The following TTC39C variants were observed in gnomAD, a reference collection of about 807,000 sequenced individuals.
TTC39C encodes the protein tetratricopeptide repeat protein 39C.
In TTC39C, 33 loss-of-function variants were observed where a neutral mutation model predicts 76.3. The observed-to-expected ratio is 0.43, with a 90% CI of 0.33 to 0.58. The LOEUF is 0.58. Ranked by LOEUF, TTC39C falls within the 20% of genes least tolerant of loss-of-function variation. The probability of loss-of-function intolerance (pLI) is 0.04; values close to 1 mark genes in which losing one functional copy is unlikely to be tolerated. For missense variants in TTC39C, 595 were observed against 701.4 expected (o/e 0.85, Z 1.71); for synonymous variants, 254 against 260.6 (o/e 0.97, Z 0.24).
Position 24,014,937 on chromosome 18 carries a change from G to A in TTC39C, c.66G>A (p.Ala22=). ...RDDGDSDAAA[A]AAAPLQDAEL... ...ACGGAGACTCGGACGCGGCAGCGGC[G>A]GCGGCGGCGCCCCTGCAGGACGCGG... Residue 22 remains alanine, a synonymous_variant, in exon 1 of 14, where the codon GCG becomes GCA. Coordinates refer to ENST00000317571, the MANE Select transcript of TTC39C (RefSeq NM_001135993.2). 4 of 1,524,730 alleles carry A rather than the reference G, an allele frequency of 2.6e-6. No individual in the cohort carries two copies. The highest frequency in any genetic ancestry group is 3.5e-6 in the Non-Finnish European group (4 of 1,135,998). 94.5% of individuals were successfully genotyped at this position (1,524,730 alleles called of 1,614,324 possible).
At chr18:24,057,645 G>A (rs977229362) in intron 1 of TTC39C, among the ~76,000 whole-genome samples, 63 of 152,196 alleles carry the variant, frequency 4.1e-4, no homozygotes, top group African/African-American at 1.4e-3. Context: ...GAGTGAATAT[G>A]CTGTAATACT....
chr18:24,049,911 T>TAG (rs2083927690), intron 1 of TTC39C, among the ~76,000 whole-genome samples: 1 of 152,260 alleles, frequency 6.6e-6, no homozygotes, highest in African/African-American at 2.4e-5. Flanking sequence ...ATCCTCTTAC[T>TAG]AAATAGTCTG....
At chr18:23,993,844 GT>G (rs1280838528) in intron 1 of TTC39C, among the ~76,000 whole-genome samples, 1 of 152,172 alleles carries the variant, frequency 6.6e-6, no homozygotes, top group Non-Finnish European at 1.5e-5. Flanking sequence ...GACATTAGAT[GT>G]TTTGGTATTA....
chr18:23,994,739 T>C (rs562625568), intron 1 of TTC39C, among the ~76,000 whole-genome samples: 1 of 152,250 alleles, frequency 6.6e-6, no homozygotes, highest in African/African-American at 2.4e-5. Context: ...GATGAAATGC[T>C]AGCAGCAGCA....
At chr18:24,122,142 G>T (rs2029238) in intron 8 of TTC39C, among the ~76,000 whole-genome samples, 1 of 151,924 alleles carries the variant, frequency 6.6e-6, no homozygotes, top group South Asian at 2.1e-4. Flanking sequence ...ATCCTGGTAC[G>T]TGCACGCCTG....
intron 2 of TTC39C, among the ~76,000 whole-genome samples, chr18:24,065,264 T>C (rs1482818247): frequency 2.0e-5 from 3 of 152,180 alleles, no homozygotes; most frequent in Non-Finnish European, 4.4e-5. Context: ...CTGGTGGAAT[T>C]TGATAGGAAA....
chr18:24,133,460 A>G lies in TTC39C; in HGVS notation c.*886A>G, dbSNP rs1219529913. The G allele has an allele frequency of 1.3e-5, 2 of 152,234 alleles. No homozygotes were observed. Among genetic ancestry groups the G allele is most frequent in the East Asian group, 1.9e-4 (1 of 5,204 alleles). 9.4% of individuals were successfully genotyped at this position (152,234 alleles called of 1,614,324 possible). A position where few individuals can be genotyped will look rare whatever the true frequency, so the allele number is the denominator to read the frequency against. ...TCTATAGATTAGACAAACAGTATCT[A>G]CATTTTAGGAGTTTACCTTTCTTTG... On this transcript the variant is annotated 3_prime_UTR_variant, in exon 14 of 14. Coordinates refer to ENST00000317571, the MANE Select transcript of TTC39C (RefSeq NM_001135993.2).
At chr18:24,024,006 A>C (rs1455570045) in intron 1 of TTC39C, among the ~76,000 whole-genome samples, 4 of 5,784 alleles carry the variant, frequency 6.9e-4, no homozygotes, top group African/African-American at 1.1e-3. Flanking sequence ...ATATATATAT[A>C]TATATATATA....
Position 24,014,772 on chromosome 18 carries a change from C to T in TTC39C, c.-100C>T. On this transcript the variant is annotated 5_prime_UTR_variant, in exon 1 of 14. Coordinates refer to ENST00000317571, the MANE Select transcript of TTC39C (RefSeq NM_001135993.2). ...CTCCCCTCCCCTCCCCTCCCGGCTC[C>T]GCTTGGCTCCGGGCAGGTAGAGCCG... The T allele has an allele frequency of 1.7e-6, 2 of 1,167,862 alleles. No homozygotes were observed. Among genetic ancestry groups the T allele is most frequent in the Non-Finnish European group, 2.1e-6 (2 of 945,074 alleles). The allele number at this position is 1,167,862 out of a possible 1,614,324, so 72.3% of individuals were successfully genotyped here. A position where few individuals can be genotyped will look rare whatever the true frequency, so the allele number is the denominator to read the frequency against.
chr18:24,028,743 G>A (rs2083627382), intron 1 of TTC39C, among the ~76,000 whole-genome samples: 2 of 152,152 alleles, frequency 1.3e-5, no homozygotes, highest in African/African-American at 4.8e-5. Context: ...TATTTTTTGA[G>A]ATGGAGTCTT....
rs117091240 is a variant in TTC39C, at chr18:24,043,612, T to C, written c.168-20528T>C. Among the ~76,000 whole-genome samples, 27 of 152,330 alleles carry C rather than the reference T, an allele frequency of 1.8e-4. No individual in the cohort carries two copies. In the East Asian group the frequency reaches 5.0e-3, roughly 28 times the overall value. On this transcript the variant is annotated intron_variant, in intron 1 of 13. Coordinates refer to ENST00000317571, the MANE Select transcript of TTC39C (RefSeq NM_001135993.2). ...CCCTTCTCGTCTGCCGCCTGGGCTG[T>C]AGTTGCTCAACACGAGGCTGCAAGT...
chr18:24,072,961 G>A (rs2084259826), intron 4 of TTC39C, among the ~76,000 whole-genome samples: 1 of 152,224 alleles, frequency 6.6e-6, no homozygotes, highest in African/African-American at 2.4e-5. Flanking sequence ...TATGCAGCTT[G>A]TTGGTGATGA....
intron 6 of TTC39C, among the ~76,000 whole-genome samples, chr18:24,107,997 G>T: frequency 6.6e-6 from 1 of 152,152 alleles, no homozygotes; most frequent in African/African-American, 2.4e-5. Flanking sequence ...TTACTTACTA[G>T]TTGCTTAAAA....
At chr18:24,084,849 G>A (rs993274182) in intron 6 of TTC39C, among the ~76,000 whole-genome samples, 7 of 152,042 alleles carry the variant, frequency 4.6e-5, no homozygotes, top group African/African-American at 1.7e-4. Flanking sequence ...TTTATTTTTA[G>A]AGATGGGGTC....
intron 6 of TTC39C, among the ~76,000 whole-genome samples, chr18:24,097,567 G>A (rs750348028): frequency 2.5e-4 from 38 of 152,270 alleles, no homozygotes; most frequent in Non-Finnish European, 1.6e-4. Context: ...GATGTCTATG[G>A]TGTTGGCTAT....
At position 24,049,680 on chromosome 18, in the gene TTC39C, C is replaced by T. The variant is rs113026722; in HGVS notation, c.168-14460C>T. On this transcript the variant is annotated intron_variant, in intron 1 of 13. Transcript: ENST00000317571. ...CACCCTTTGGACCTAGGCTAGAGGC[C>T]GAGCAGGAACCATTGAGGAGAGAGG... 5.3e-5 allele frequency among the ~76,000 whole-genome samples: 8 copies of T among 152,256 alleles called. No homozygotes were observed. In the South Asian group the frequency reaches 8.3e-4, roughly 16 times the overall value.
rs138463069 is a variant in TTC39C, at chr18:24,049,518, T to C, written c.168-14622T>C. ...CATCAAGTACCCATTGAGGGCATTC[T>C]GGGTGCTGAACCCTGTGCTGGGTAG... On this transcript the variant is annotated intron_variant, in intron 1 of 13. Coordinates refer to ENST00000317571, the MANE Select transcript of TTC39C (RefSeq NM_001135993.2). 5.3e-5 allele frequency among the ~76,000 whole-genome samples: 8 copies of C among 152,360 alleles called. No homozygotes were observed. The East Asian group carries it at 1.5e-3, about 29-fold the overall frequency.
At chr18:24,066,560 C>G (rs2084168261) in intron 3 of TTC39C, among the ~76,000 whole-genome samples, 1 of 152,198 alleles carries the variant, frequency 6.6e-6, no homozygotes, top group Admixed American at 6.5e-5. Flanking sequence ...ATAATACCAT[C>G]AGAATCCAGT....
chr18:24,125,433 C>T lies in TTC39C; in HGVS notation c.1303C>T (p.Arg435Ter), dbSNP rs140461929. The T allele has an allele frequency of 3.1e-6, 5 of 1,613,956 alleles. No homozygotes were observed. Among genetic ancestry groups the T allele is most frequent in the Admixed American group, 1.7e-5 (1 of 59,984 alleles). The change falls in exon 10 of 14, where the codon CGA (arginine) becomes TGA (stop). Residue 435 changes from arginine (R) to a stop codon, truncating the protein, a stop_gained. Coordinates refer to ENST00000317571, the MANE Select transcript of TTC39C (RefSeq NM_001135993.2). LOFTEE classifies it high-confidence loss of function. ...TTATTCTGACTCCTTGCAGGCAGAGCGATTTCGGAAGCAAACCCCAACCAA... is the reference window on the plus strand; with the variant it reads ...TTATTCTGACTCCTTGCAGGCAGAGTGATTTCGGAAGCAAACCCCAACCAA... ...IEQFSVKKAERFRKQTPTKAL... is the reference protein window; with the variant it reads ...IEQFSVKKAE
Sources: gnomAD v4.1 joint callset for allele counts (sites outside exome capture counted in the v4.1 genomes callset) on GRCh38, gnomAD v4.1.1 for gene constraint, MANE v1.5 for transcripts, NCBI Gene and HGNC (gene_info 2026-07-23, HGNC 2026-07-21) for gene names.